The following HECTD2 variants were observed in gnomAD, a reference collection of about 807,000 sequenced individuals.
The protein encoded by HECTD2 is HECT domain E3 ubiquitin protein ligase 2.
In HECTD2, 35 loss-of-function variants were observed where a neutral mutation model predicts 103.2. That is an observed-to-expected ratio of 0.34 (90% CI 0.26 to 0.45). The LOEUF (loss-of-function observed/expected upper bound fraction) is 0.45, where lower values mean the gene tolerates loss of function less well. Ranked by LOEUF, HECTD2 falls within the 20% of genes least tolerant of loss-of-function variation. The pLI is 1.00. For missense variants in HECTD2, 596 were observed against 937.4 expected, an observed-to-expected ratio of 0.64 and a Z score of 4.76; for synonymous variants, 281 against 329.9, an observed-to-expected ratio of 0.85 and a Z score of 1.61.
intron 2 of HECTD2, among the ~76,000 whole-genome samples, chr10:91,436,122 G>A (rs1844107109): frequency 6.6e-6 from 1 of 151,756 alleles, no homozygotes; most frequent in African/African-American, 2.4e-5. Context: ...CCTGCATGGT[G>A]TCTGATTCTT....
rs142994582 is a variant in HECTD2, at chr10:91,476,163, A to G, written c.601-2038A>G. On this transcript the variant is annotated intron_variant, in intron 5 of 20. Coordinates refer to ENST00000298068, the MANE Select transcript of HECTD2 (RefSeq NM_182765.6). ...GGGAGAAACGGATGATACAGGAGAG[A>G]TAAGGAAAAACTTTAATAACCATGT... 3.4e-3 allele frequency among the ~76,000 whole-genome samples: 521 copies of G among 152,300 alleles called. 3 individuals are homozygous for G. Among genetic ancestry groups the G allele is most frequent in the South Asian group, 6.8e-3 (33 of 4,822 alleles).
intron 1 of HECTD2, among the ~76,000 whole-genome samples, chr10:91,421,061 G>T (rs925619949): frequency 6.6e-6 from 1 of 151,872 alleles, no homozygotes; most frequent in Non-Finnish European, 1.5e-5. Context: ...TTCCCCTTCA[G>T]TAAAGCTTCT....
intron 1 of HECTD2, among the ~76,000 whole-genome samples, chr10:91,414,791 C>T (rs1843053056): frequency 6.6e-6 from 1 of 152,120 alleles, no homozygotes; most frequent in Non-Finnish European, 1.5e-5. Flanking sequence ...AGTAATAAAG[C>T]GAGCCCAGTG....
Position 91,501,225 on chromosome 10 carries a change from G to T in HECTD2, c.2101G>T (p.Asp701Tyr). 1 of 1,610,466 alleles carries T rather than the reference G, an allele frequency of 6.2e-7. No individual in the cohort carries two copies. Among genetic ancestry groups the T allele is most frequent in the South Asian group, 1.1e-5 (1 of 90,612 alleles). Reference sequence around the variant, plus strand: ...GGATGTTGTGCTTGGATTTCCTCTTGATCTTCAAAAGAAGTTGCTACATTT... The same window carrying T: ...GGATGTTGTGCTTGGATTTCCTCTTTATCTTCAAAAGAAGTTGCTACATTT... ...FWDVVLGFPL[D>Y]LQKKLLHFTT... Residue 701 changes from aspartate (D) to tyrosine (Y), a missense_variant, in exon 20 of 21, where the codon GAT (aspartate) becomes TAT (tyrosine). Physicochemically the swap from Asp to Tyr is radical, Grantham distance 160. Transcript: ENST00000298068.
chr10:91,440,046 C>T (rs1036005460), intron 2 of HECTD2, among the ~76,000 whole-genome samples: 1 of 152,074 alleles, frequency 6.6e-6, no homozygotes, highest in Non-Finnish European at 1.5e-5. Flanking sequence ...AATTTGACTT[C>T]CTCTCTTCCT....
chr10:91,456,996 A>T (rs1244853772), intron 2 of HECTD2, among the ~76,000 whole-genome samples: 9 of 152,102 alleles, frequency 5.9e-5, no homozygotes, highest in Admixed American at 5.9e-4. Flanking sequence ...AATAGGAGAT[A>T]TTACAACAGA....
chr10:91,467,530 C>CG (rs1410124410), intron 5 of HECTD2, among the ~76,000 whole-genome samples: 1 of 152,120 alleles, frequency 6.6e-6, no homozygotes, highest in African/African-American at 2.4e-5. Context: ...AGTGCACCCT[C>CG]GATGCCCAAC....
At chr10:91,427,827 G>C (rs1462338962) in intron 2 of HECTD2, among the ~76,000 whole-genome samples, 1 of 152,004 alleles carries the variant, frequency 6.6e-6, no homozygotes, top group Non-Finnish European at 1.5e-5. Context: ...TTTGTAGGTT[G>C]CCTGTTCACT....
In HECTD2 at chr10:91,504,667, T is replaced by C. The variant is rs370728381; in HGVS notation, c.2210+3333T>C. Among the ~76,000 whole-genome samples the C allele has an allele frequency of 2.7e-3, 409 of 151,904 alleles. 1 individual carries two copies. The highest frequency in any genetic ancestry group is 9.5e-3 in the African/African-American group (391 of 41,320). ...TACGTCTGATTGGTGTACCTGAAAG[T>C]GACGGGGAGAATGGAACCAAGTTGG... On this transcript the variant is annotated intron_variant, in intron 20 of 20. Transcript: ENST00000298068.
chr10:91,476,989 G>A (rs371704195), intron 5 of HECTD2, among the ~76,000 whole-genome samples: 1,698 of 151,684 alleles, frequency 0.011, 36 homozygotes, highest in African/African-American at 0.039. Flanking sequence ...GACCATCCTG[G>A]CTAACAAGGT....
intron 18 of HECTD2, among the ~76,000 whole-genome samples, chr10:91,500,153 T>C (rs1846841719): frequency 6.6e-6 from 1 of 152,064 alleles, no homozygotes; most frequent in South Asian, 2.1e-4. Flanking sequence ...ACAGGAGGTG[T>C]TATGGGATAT....
chr10:91,469,505 A>G (rs1015716926), intron 5 of HECTD2, among the ~76,000 whole-genome samples: 2 of 152,206 alleles, frequency 1.3e-5, no homozygotes, highest in African/African-American at 4.8e-5. Context: ...AGCCAAACAA[A>G]GCTTCATAAT....
In HECTD2 at chr10:91,482,992, C is replaced by T; in HGVS notation, c.737C>T (p.Thr246Met). ...LQNPQFNNTS[T>M]YVIYAHLLRQ... ...AATCCTCAGTTTAATAACACATCTA[C>T]GTATGTCATCTATGCTCACTTGCTA... is the stretch of plus-strand genomic sequence containing the variant. The change falls in exon 8 of 21, where the codon ACG (threonine) becomes ATG (methionine). Residue 246 changes from threonine to methionine, a missense_variant. This residue lies in a region of HECTD2 where 303 missense variants were observed against 522.5 expected (regional missense o/e 0.58). Coordinates refer to ENST00000298068, the MANE Select transcript of HECTD2 (RefSeq NM_182765.6). The T allele has an allele frequency of 6.4e-7, 1 of 1,552,034 alleles. No individual in the cohort carries two copies. The highest frequency in any genetic ancestry group is 2.3e-5 in the East Asian group (1 of 44,070).
intron 2 of HECTD2, among the ~76,000 whole-genome samples, chr10:91,427,859 G>T (rs1028679403): frequency 1.3e-5 from 2 of 151,886 alleles, no homozygotes; most frequent in Admixed American, 1.3e-4. Flanking sequence ...TTCTTTTGCT[G>T]TGCAGAAGCT....
chr10:91,429,756 G>C (rs12250037), intron 2 of HECTD2, among the ~76,000 whole-genome samples: 25,058 of 151,926 alleles, frequency 0.16, 4,773 homozygotes, highest in African/African-American at 0.47. Flanking sequence ...GCATCTATTT[G>C]ATTCTTCTCT....
chr10:91,506,712 C>T (rs1188427428), intron 20 of HECTD2, among the ~76,000 whole-genome samples: 2 of 151,962 alleles, frequency 1.3e-5, no homozygotes, highest in Non-Finnish European at 2.9e-5. Context: ...GGAACTGGTA[C>T]CATTCCTTCT....
At chr10:91,485,133 C>G (rs958215643) in intron 9 of HECTD2, 47 bp from the exon 10 acceptor site, 2 of 1,341,612 alleles carry the variant, frequency 1.5e-6, no homozygotes, top group African/African-American at 3.0e-5. Context: ...TAGAATGAAT[C>G]TTGTACATGT....
intron 1 of HECTD2, among the ~76,000 whole-genome samples, chr10:91,422,124 T>G (rs1402171178): frequency 6.6e-6 from 1 of 152,160 alleles, no homozygotes; most frequent in African/African-American, 2.4e-5. Flanking sequence ...TGCTTAGAAG[T>G]CCTCAATGAT....
chr10:91,459,979 C>G (rs900176141), intron 2 of HECTD2, among the ~76,000 whole-genome samples: 3 of 152,062 alleles, frequency 2.0e-5, no homozygotes, highest in Non-Finnish European at 4.4e-5. Flanking sequence ...GATGTCCACA[C>G]AGTGACAAAA....
Sources: allele counts gnomAD v4.1 joint callset (sites outside exome capture counted in the v4.1 genomes callset), GRCh38; gene constraint gnomAD v4.1.1; regional missense constraint gnomAD v4.1.1; transcripts MANE v1.5; gene names NCBI Gene and HGNC (gene_info 2026-07-23, HGNC 2026-07-21).